The following ZMAT4 variants were observed in gnomAD, a reference collection of about 807,000 sequenced individuals.
ZMAT4 encodes the protein zinc finger matrin-type 4, also known as zinc finger matrin-type protein 4.
In ZMAT4, 17 loss-of-function variants were observed where a neutral mutation model predicts 28.7. The observed-to-expected ratio is 0.59, with a 90% CI of 0.41 to 0.89. The LOEUF (loss-of-function observed/expected upper bound fraction) is 0.89. ZMAT4 is among the 40% of genes least tolerant of loss of function. The pLI, the probability that ZMAT4 is intolerant of heterozygous loss-of-function variation, is 0.00. For synonymous variants in ZMAT4, 117 were observed against 109.2 expected (o/e 1.07, Z -0.44); for missense variants, 240 against 283.8 (o/e 0.85, Z 1.11).
Position 40,647,595 on chromosome 8 carries a change from G to A in ZMAT4, c.577+27109C>T, listed in dbSNP as rs535521951. Among the ~76,000 whole-genome samples the A allele has an allele frequency of 6.7e-3, 1,014 of 152,278 alleles. 14 individuals carry two copies. Among genetic ancestry groups the A allele is most frequent in the African/African-American group, 0.022 (924 of 41,568 alleles). On this transcript the variant is annotated intron_variant, in intron 5 of 6. Transcript: ENST00000297737. ...CACCACAGCTCAAGGAGGCCTGCCT[G>A]TCTCTGTAGGCTCCACCTCTGGGGG...
At chr8:40,800,746 G>T (rs1192326148) in intron 2 of ZMAT4, among the ~76,000 whole-genome samples, 1 of 152,060 alleles carries the variant, frequency 6.6e-6, no homozygotes, top group Non-Finnish European at 1.5e-5. Flanking sequence ...ATGCAGTAAA[G>T]CAGTGTTTAA....
intron 5 of ZMAT4, among the ~76,000 whole-genome samples, chr8:40,655,972 T>C (rs1807905456): frequency 6.6e-6 from 1 of 152,040 alleles, no homozygotes; most frequent in Non-Finnish European, 1.5e-5. Flanking sequence ...AATTAAAATT[T>C]AAAATGTCTG....
chr8:40,673,022 C>A (rs1283744806), intron 5 of ZMAT4, among the ~76,000 whole-genome samples: 2 of 152,158 alleles, frequency 1.3e-5, no homozygotes, highest in Non-Finnish European at 2.9e-5. Context: ...TTAATCAGGT[C>A]TTTTGGAAAA....
chr8:40,868,929 G>A (rs556260429), intron 1 of ZMAT4, among the ~76,000 whole-genome samples: 20 of 152,210 alleles, frequency 1.3e-4, no homozygotes, highest in Admixed American at 5.2e-4. Flanking sequence ...TTTTAAAATC[G>A]GCAGTATTGC....
rs78897895 is a variant in ZMAT4, at chr8:40,700,196, T to A, written c.193-2795A>T. Among the ~76,000 whole-genome samples, 20 of 152,048 alleles carry A rather than the reference T, an allele frequency of 1.3e-4. No individual in the cohort carries two copies. The East Asian group carries it at 3.9e-3, about 29-fold the overall frequency. ...CAGAAAATAAGGGGAAGTATTATAA[T>A]CAAAGAACTAGAGTCTCATATTGGA... On this transcript the variant is annotated intron_variant, in intron 3 of 6. Transcript: ENST00000297737.
At chr8:40,865,110 T>C (rs1817630286) in intron 1 of ZMAT4, among the ~76,000 whole-genome samples, 1 of 152,162 alleles carries the variant, frequency 6.6e-6, no homozygotes, top group Non-Finnish European at 1.5e-5. Flanking sequence ...CGTACGCTTT[T>C]TGCACGGACA....
intron 6 of ZMAT4, among the ~76,000 whole-genome samples, chr8:40,543,274 C>T (rs1040952425): frequency 1.3e-5 from 2 of 152,170 alleles, no homozygotes; most frequent in African/African-American, 4.8e-5. Context: ...TAGAGAAAGC[C>T]AGCACATGCT....
At chr8:40,613,804 G>A (rs2599691) in intron 5 of ZMAT4, among the ~76,000 whole-genome samples, 116,761 of 152,080 alleles carry the variant, frequency 0.77, 45,011 homozygotes, top group East Asian at 0.97. Flanking sequence ...CTGCACTGGA[G>A]GGCGTGGAAT....
intron 1 of ZMAT4, among the ~76,000 whole-genome samples, chr8:40,840,450 G>A (rs1016968656): frequency 3.9e-5 from 6 of 152,016 alleles, no homozygotes; most frequent in Admixed American, 2.0e-4. Context: ...AGAGCCACCC[G>A]GTAGGCACCC....
At chr8:40,798,056 A>C (rs1468775168) in intron 2 of ZMAT4, among the ~76,000 whole-genome samples, 1 of 152,196 alleles carries the variant, frequency 6.6e-6, no homozygotes, top group East Asian at 1.9e-4. Context: ...GCTTCCTAGC[A>C]GGGGAAGCAA....
intron 3 of ZMAT4, among the ~76,000 whole-genome samples, chr8:40,742,087 A>AAAAAAAAAAC (rs10624990): frequency 6.7e-6 from 1 of 148,604 alleles, no homozygotes; most frequent in African/African-American, 2.5e-5. Flanking sequence ...AAAAATACAA[A>AAAAAAAAAAC]AAAAAACAAA....
chr8:40,706,255 C>T (rs999647073), intron 3 of ZMAT4, among the ~76,000 whole-genome samples: 3 of 152,058 alleles, frequency 2.0e-5, no homozygotes, highest in Admixed American at 2.0e-4. Flanking sequence ...GGGGTTTCAC[C>T]GTGTTAGACA....
intron 1 of ZMAT4, among the ~76,000 whole-genome samples, chr8:40,885,402 C>A (rs941249139): frequency 6.6e-6 from 1 of 152,236 alleles, no homozygotes; most frequent in Non-Finnish European, 1.5e-5. Flanking sequence ...CCGACCCGAG[C>A]CATCTCCCTT....
intron 3 of ZMAT4, among the ~76,000 whole-genome samples, chr8:40,728,786 A>G (rs1811411344): frequency 6.6e-6 from 1 of 152,212 alleles, no homozygotes; most frequent in African/African-American, 2.4e-5. Flanking sequence ...AACCATTCAG[A>G]ACAAGACGCC....
chr8:40,865,127 A>G (rs1054884093), intron 1 of ZMAT4, among the ~76,000 whole-genome samples: 13 of 152,180 alleles, frequency 8.5e-5, no homozygotes, highest in Admixed American at 4.6e-4. Context: ...GACATATCTC[A>G]GCAAAAGTGA....
intron 2 of ZMAT4, among the ~76,000 whole-genome samples, chr8:40,781,288 A>AC (rs1813813773): frequency 1.3e-5 from 2 of 152,158 alleles, no homozygotes; most frequent in Admixed American, 1.3e-4. Context: ...AAAAAAAACT[A>AC]CTTAGGAACA....
At chr8:40,737,732 G>A (rs1811832393) in intron 3 of ZMAT4, among the ~76,000 whole-genome samples, 1 of 152,090 alleles carries the variant, frequency 6.6e-6, no homozygotes, top group Non-Finnish European at 1.5e-5. Flanking sequence ...TATACATATA[G>A]CGGAAAATCG....
At chr8:40,718,268 T>G (rs932085914) in intron 3 of ZMAT4, among the ~76,000 whole-genome samples, 1 of 152,196 alleles carries the variant, frequency 6.6e-6, no homozygotes, top group Non-Finnish European at 1.5e-5. Flanking sequence ...GCGTCAGCAG[T>G]GTCACCAGCC....
intron 5 of ZMAT4, among the ~76,000 whole-genome samples, chr8:40,596,506 CT>C (rs904067553): frequency 2.0e-5 from 3 of 152,014 alleles, no homozygotes; most frequent in Admixed American, 2.0e-4. Context: ...AATTTATAAA[CT>C]TTTTTTGTGA....
Sources: allele counts gnomAD v4.1 joint callset (sites outside exome capture counted in the v4.1 genomes callset), GRCh38; gene constraint gnomAD v4.1.1; transcripts MANE v1.5; gene names NCBI Gene and HGNC (gene_info 2026-07-23, HGNC 2026-07-21).